The following CNTN5 variants were observed in gnomAD, a reference collection of about 807,000 sequenced individuals.
CNTN5 encodes the protein contactin 5.
A neutral mutation model predicts 129.1 loss-of-function variants in CNTN5; 77 were observed. The observed-to-expected ratio is 0.60, with a 90% CI of 0.50 to 0.72. The LOEUF (loss-of-function observed/expected upper bound fraction) is 0.72, where lower values mean the gene tolerates loss of function less well. Among genes scored for constraint, CNTN5 ranks in the 30% least tolerant of loss-of-function variants. The pLI is 0.00. For synonymous variants in CNTN5, 509 were observed against 465.6 expected (o/e 1.09, Z -1.20); for missense variants, 1,478 against 1,328.8 (o/e 1.11, Z -1.75).
chr11:99,578,676 G>C (rs2135600443), intron 3 of CNTN5, among the ~76,000 whole-genome samples: 1 of 150,680 alleles, frequency 6.6e-6, no homozygotes, highest in Non-Finnish European at 1.5e-5. Context: ...TGATGGGGTT[G>C]TTTGTCTTTT....
intron 15 of CNTN5, 96 bp from the exon 16 acceptor site, chr11:100,224,596 T>C (rs1949333415): frequency 8.3e-7 from 1 of 1,202,964 alleles, no homozygotes; most frequent in Non-Finnish European, 1.2e-6. Context: ...AGGCCAAAAA[T>C]GGGCCCTTTT....
chr11:100,016,735 G>T (rs1471463922), intron 9 of CNTN5, among the ~76,000 whole-genome samples: 2 of 151,926 alleles, frequency 1.3e-5, no homozygotes. Flanking sequence ...ACATGTGTGT[G>T]TGTGAGTGGT....
chr11:99,655,914 C>T lies in CNTN5; in HGVS notation c.55+99645C>T, dbSNP rs115133951. On this transcript the variant is annotated intron_variant, in intron 3 of 24. Coordinates refer to ENST00000524871, the MANE Select transcript of CNTN5 (RefSeq NM_014361.4). ...GCTATTCAGAGGCTCCACAATAATA[C>T]ACGCATAAAATACAAATATATACAC... Among the ~76,000 whole-genome samples the T allele has an allele frequency of 2.2e-3, 340 of 152,036 alleles. 1 individual carries two copies. Among genetic ancestry groups the T allele is most frequent in the African/African-American group, 7.5e-3 (310 of 41,494 alleles).
At chr11:99,406,525 C>T (rs1942074773) in intron 2 of CNTN5, among the ~76,000 whole-genome samples, 1 of 152,100 alleles carries the variant, frequency 6.6e-6, no homozygotes, top group African/African-American at 2.4e-5. Context: ...TATTGAGTCT[C>T]ACCCAAGGCT....
chr11:99,151,110 A>C (rs1860030331), intron 1 of CNTN5, among the ~76,000 whole-genome samples: 1 of 152,140 alleles, frequency 6.6e-6, no homozygotes, highest in Non-Finnish European at 1.5e-5. Context: ...TTGCTCTTGA[A>C]TTTTTATCAA....
chr11:100,242,761 A>C (rs953687863), intron 16 of CNTN5, among the ~76,000 whole-genome samples: 1 of 152,216 alleles, frequency 6.6e-6, no homozygotes, highest in African/African-American at 2.4e-5. Context: ...GATTTGGGTG[A>C]GGACACAGAT....
intron 2 of CNTN5, among the ~76,000 whole-genome samples, chr11:99,365,820 A>G (rs1471894939): frequency 6.6e-6 from 1 of 152,184 alleles, no homozygotes; most frequent in Non-Finnish European, 1.5e-5. Flanking sequence ...CATCAAACAT[A>G]GTATAATTGA....
At chr11:99,350,772 G>T (rs969410934) in intron 2 of CNTN5, among the ~76,000 whole-genome samples, 9 of 151,936 alleles carry the variant, frequency 5.9e-5, no homozygotes, top group African/African-American at 2.2e-4. Context: ...ATGATAAAAA[G>T]AAAACAATCA....
At chr11:99,068,419 G>T (rs1196285340) in intron 1 of CNTN5, among the ~76,000 whole-genome samples, 1 of 152,142 alleles carries the variant, frequency 6.6e-6, no homozygotes, top group Admixed American at 6.6e-5. Flanking sequence ...TAAGATATGG[G>T]TTCAATTCCT....
chr11:99,581,978 C>T (rs1042241895), intron 3 of CNTN5, among the ~76,000 whole-genome samples: 20 of 151,886 alleles, frequency 1.3e-4, no homozygotes, highest in African/African-American at 4.8e-4. Context: ...TGTTCCTTTC[C>T]ATGTTTAGTA....
intron 6 of CNTN5, among the ~76,000 whole-genome samples, chr11:99,869,260 T>TG (rs1003467059): frequency 6.6e-6 from 1 of 152,158 alleles, no homozygotes; most frequent in Admixed American, 6.5e-5. Context: ...TAGACTCACA[T>TG]GGGATACACA....
In CNTN5 at chr11:99,956,888, C is replaced by A. The variant is rs199802165; in HGVS notation, c.756C>A (p.Gly252=). ...GGCGGTTCATCTCCCAGGAGACAGG[C>A]AACCTTTATATTTCTAAAGTCCAAA... The part of the protein sequence containing the change: ...DSRRFISQET[G]NLYISKVQTS... Residue 252 remains glycine (G), a synonymous_variant, in exon 8 of 25, where the codon GGC becomes GGA. Coordinates refer to ENST00000524871, the MANE Select transcript of CNTN5 (RefSeq NM_014361.4). 1.2e-6 allele frequency: 2 copies of A among 1,613,858 alleles called. No homozygotes were observed. Among genetic ancestry groups the A allele is most frequent in the Middle Eastern group, 1.7e-4 (1 of 6,060 alleles).
At chr11:100,003,397 A>G (rs1431611136) in intron 9 of CNTN5, among the ~76,000 whole-genome samples, 2 of 152,170 alleles carry the variant, frequency 1.3e-5, no homozygotes, top group African/African-American at 4.8e-5. Flanking sequence ...TTCTGTGTCA[A>G]ATAGGTCTGA....
intron 1 of CNTN5, among the ~76,000 whole-genome samples, chr11:99,075,017 CTGTA>C (rs1445641900): frequency 1.3e-5 from 2 of 152,108 alleles, no homozygotes; most frequent in Non-Finnish European, 2.9e-5. Flanking sequence ...ATCAGATACT[CTGTA>C]TATATGTTCA....
chr11:99,136,513 A>G (rs1859228815), intron 1 of CNTN5, among the ~76,000 whole-genome samples: 2 of 152,148 alleles, frequency 1.3e-5, no homozygotes, highest in Non-Finnish European at 2.9e-5. Context: ...CTTCTTCCCT[A>G]TGATCCTATT....
In CNTN5 at chr11:99,854,317, A is replaced by G. The variant is rs145028032; in HGVS notation, c.577+9055A>G. Among the ~76,000 whole-genome samples, 1,035 of 152,340 alleles carry G rather than the reference A, an allele frequency of 6.8e-3. 6 individuals carry two copies. Among genetic ancestry groups the G allele is most frequent in the Admixed American group, 0.011 (171 of 15,298 alleles). The stretch of plus-strand genomic sequence containing the variant: ...CCTACATAAATCTTTGATGGCTTAC[A>G]TTAATTGCATGGAAGTTTGTAATTT... On this transcript the variant is annotated intron_variant, in intron 6 of 24. Coordinates refer to ENST00000524871, the MANE Select transcript of CNTN5 (RefSeq NM_014361.4).
At chr11:99,861,704 A>T (rs1948212296) in intron 6 of CNTN5, among the ~76,000 whole-genome samples, 1 of 152,176 alleles carries the variant, frequency 6.6e-6, no homozygotes, top group Non-Finnish European at 1.5e-5. Context: ...CTCAGTAATG[A>T]AGTCGCAGTA....
intron 3 of CNTN5, among the ~76,000 whole-genome samples, chr11:99,727,112 C>CT (rs1219390340): frequency 6.7e-6 from 1 of 149,954 alleles, no homozygotes; most frequent in Non-Finnish European, 1.5e-5. Context: ...CGAGACCATC[C>CT]TGGCTAACAA....
chr11:100,096,716 A>C (rs931757618), intron 13 of CNTN5, among the ~76,000 whole-genome samples: 1 of 152,096 alleles, frequency 6.6e-6, no homozygotes, highest in African/African-American at 2.4e-5. Flanking sequence ...TACCACGGAG[A>C]TCAATCTACC....
Sources: gnomAD v4.1 joint callset for allele counts (sites outside exome capture counted in the v4.1 genomes callset) on GRCh38, gnomAD v4.1.1 for gene constraint, MANE v1.5 for transcripts, NCBI Gene and HGNC (gene_info 2026-07-23, HGNC 2026-07-21) for gene names.